The following WDR64 variants were observed in gnomAD, a reference collection of about 807,000 sequenced individuals.
The protein encoded by WDR64 is WD repeat-containing protein 64.
WDR64 carries 112 observed loss-of-function variants against 139.3 expected under a neutral mutation model. The ratio of observed to expected loss-of-function variants is 0.80; its 90% CI spans 0.69 to 0.94. The LOEUF is 0.94. Among genes scored for constraint, WDR64 ranks in the 40% least tolerant of loss-of-function variants. The pLI is 0.00. For missense variants in WDR64, 1,206 were observed against 1,293.1 expected (o/e 0.93, Z 1.03); for synonymous variants, 444 against 437.7 (o/e 1.01, Z -0.18).
At chr1:241,727,039 A>G (rs1452882229) in intron 10 of WDR64, among the ~76,000 whole-genome samples, 2 of 152,104 alleles carry the variant, frequency 1.3e-5, no homozygotes, top group Non-Finnish European at 2.9e-5. Flanking sequence ...GGCTCCTGCC[A>G]CCATGCCCAG....
Position 241,671,172 on chromosome 1 carries a change from T to C in WDR64, c.375T>C (p.Ile125=), listed in dbSNP as rs1444744185. 2 of 1,542,456 alleles carry C rather than the reference T, an allele frequency of 1.3e-6. No homozygotes were observed. The highest frequency in any genetic ancestry group is 4.9e-5 in the East Asian group (2 of 40,860). Residue 125 remains isoleucine, a synonymous_variant, in exon 3 of 28, where the codon ATT becomes ATC. Transcript: ENST00000437684. ...FFVSRKRRIL[I]SGSRRRDVIK... The stretch of plus-strand genomic sequence containing the variant: ...TGTCTAGAAAAAGGCGAATTTTAAT[T>C]TCAGGTGACATTTTAATTTTCTCTT...
intron 7 of WDR64, among the ~76,000 whole-genome samples, chr1:241,685,034 G>A (rs1244515512): frequency 6.6e-6 from 1 of 151,904 alleles, no homozygotes; most frequent in Non-Finnish European, 1.5e-5. Flanking sequence ...TGGTATTATA[G>A]GCTTGAGCCA....
intron 22 of WDR64, 61 bp from the exon 23 acceptor site, chr1:241,783,211 A>T: frequency 7.1e-7 from 1 of 1,405,522 alleles, no homozygotes; most frequent in East Asian, 2.3e-5. Flanking sequence ...ATTTTGTTGA[A>T]GATTACATTT....
intron 14 of WDR64, among the ~76,000 whole-genome samples, chr1:241,756,972 C>T (rs1342255658): frequency 2.6e-5 from 4 of 152,026 alleles, no homozygotes; most frequent in Non-Finnish European, 4.4e-5. Flanking sequence ...AAGAAGAATC[C>T]ATACAGTTGG....
intron 15 of WDR64, among the ~76,000 whole-genome samples, chr1:241,757,815 T>C (rs1298406201): frequency 6.6e-6 from 1 of 151,972 alleles, no homozygotes; most frequent in Non-Finnish European, 1.5e-5. Flanking sequence ...ATCTCAAACA[T>C]TGTGTCATTT....
chr1:241,756,206 T>G (rs1670184779), intron 14 of WDR64, among the ~76,000 whole-genome samples: 1 of 152,206 alleles, frequency 6.6e-6, no homozygotes, highest in Non-Finnish European at 1.5e-5. Context: ...TGGGATGTTT[T>G]TCCATTTGTT....
At chr1:241,773,765 C>T (rs150157252) in intron 20 of WDR64, among the ~76,000 whole-genome samples, 49 of 152,194 alleles carry the variant, frequency 3.2e-4, no homozygotes, top group African/African-American at 9.9e-4. Flanking sequence ...TGTGCCCGAC[C>T]GAGGGCATTA....
Position 241,652,595 on chromosome 1 carries a change from AGAT to A in WDR64, c.114_116del (p.Asp38del). ...TTGAACAAACAGCAGCCCAGAAAAGAGATGAAAGAGCAGGCTTATTTATCCATA... is the reference window on the plus strand; with the variant it reads ...TTGAACAAACAGCAGCCCAGAAAAGAGAAAGAGCAGGCTTATTTATCCATA... On this transcript the variant is annotated inframe_deletion, in exon 1 of 28. Transcript: ENST00000437684. 6.4e-7 allele frequency: 1 copy of A among 1,551,870 alleles called. No individual in the cohort carries two copies. The highest frequency in any genetic ancestry group is 8.7e-7 in the Non-Finnish European group (1 of 1,147,040).
intron 8 of WDR64, among the ~76,000 whole-genome samples, chr1:241,701,278 GCACA>G (rs71797604): frequency 2.3e-4 from 34 of 151,000 alleles, no homozygotes; most frequent in South Asian, 4.2e-4. Context: ...GCACATGCGC[GCACA>G]CACACACACA....
chr1:241,737,065 T>G (rs1356061928), intron 10 of WDR64, among the ~76,000 whole-genome samples: 1 of 152,242 alleles, frequency 6.6e-6, no homozygotes, highest in African/African-American at 2.4e-5. Context: ...CTTCCTCTAC[T>G]TGTCTCTCAT....
intron 4 of WDR64, among the ~76,000 whole-genome samples, chr1:241,675,901 T>C (rs1666537072): frequency 6.6e-6 from 1 of 152,204 alleles, no homozygotes; most frequent in Admixed American, 6.5e-5. Flanking sequence ...TTCACTTTAA[T>C]GGAATATGTT....
chr1:241,652,460 G>A lies in WDR64; in HGVS notation c.-25G>A, dbSNP rs780549609. 9.7e-6 allele frequency: 15 copies of A among 1,547,860 alleles called. No individual in the cohort carries two copies. The highest frequency in any genetic ancestry group is 1.7e-4 in the Middle Eastern group (1 of 5,980). ...AAACTTGCAGTATTCTTTCTGTACA[G>A]AAGTAAAAGATCCCCTATGTCCCTA... On this transcript the variant is annotated 5_prime_UTR_variant, in exon 1 of 28. Coordinates refer to ENST00000437684, the MANE Select transcript of WDR64 (RefSeq NM_001367482.1).
intron 13 of WDR64, among the ~76,000 whole-genome samples, 175 bp from the exon 14 acceptor site, chr1:241,749,372 A>C (rs6669629): frequency 0.79 from 119,840 of 152,096 alleles, 47,645 homozygotes; most frequent in African/African-American, 0.86. Flanking sequence ...TCAAGGCATA[A>C]AGGAATAAAT....
chr1:241,663,910 T>C (rs1030412376), intron 2 of WDR64, among the ~76,000 whole-genome samples: 3 of 152,338 alleles, frequency 2.0e-5, no homozygotes, highest in Middle Eastern at 3.4e-3. Context: ...GATGGAATCA[T>C]AGCTATTTTT....
intron 1 of WDR64, 104 bp downstream of exon 1, chr1:241,652,733 G>A: frequency 7.2e-7 from 1 of 1,389,190 alleles, no homozygotes; most frequent in Non-Finnish European, 9.6e-7. Flanking sequence ...GTGAAAGAAT[G>A]GGTGCTGAAA....
At chr1:241,727,198 A>C (rs1192723621) in intron 10 of WDR64, among the ~76,000 whole-genome samples, 1 of 152,096 alleles carries the variant, frequency 6.6e-6, no homozygotes, top group African/African-American at 2.4e-5. Context: ...AGGAAATTTT[A>C]ATTTTTTTAA....
intron 10 of WDR64, among the ~76,000 whole-genome samples, chr1:241,729,100 T>A (rs886444892): frequency 6.6e-6 from 1 of 152,232 alleles, no homozygotes; most frequent in African/African-American, 2.4e-5. Context: ...TGGTATCATT[T>A]GTTTCCCAGA....
chr1:241,660,430 A>G, intron 1 of WDR64, 100 bp from the exon 2 acceptor site: 1 of 1,403,066 alleles, frequency 7.1e-7, no homozygotes, highest in Non-Finnish European at 9.6e-7. Flanking sequence ...TTATAGATTG[A>G]GAAAAGAAAA....
At chr1:241,689,575 G>A (rs1667136285) in intron 8 of WDR64, among the ~76,000 whole-genome samples, 1 of 152,078 alleles carries the variant, frequency 6.6e-6, no homozygotes, top group Admixed American at 6.6e-5. Context: ...TAACAACAGA[G>A]CATCAAAATT....
Sources: allele counts gnomAD v4.1 joint callset (sites outside exome capture counted in the v4.1 genomes callset), GRCh38; gene constraint gnomAD v4.1.1; transcripts MANE v1.5; gene names NCBI Gene and HGNC (gene_info 2026-07-23, HGNC 2026-07-21).